The following PRKN variants were observed in gnomAD, a reference collection of about 807,000 sequenced individuals.
The protein encoded by PRKN is E3 ubiquitin-protein ligase parkin.
Under a neutral mutation model 59.5 loss-of-function variants are expected in PRKN, and 56 were observed. The observed-to-expected ratio is 0.94, with a 90% CI of 0.76 to 1.18. The LOEUF is 1.18. Among genes scored for constraint, PRKN ranks in the 50% most tolerant of loss-of-function variants. The pLI is 0.00. For missense variants in PRKN, 657 were observed against 596.4 expected (o/e 1.10, Z -1.06); for synonymous variants, 250 against 222.1 (o/e 1.13, Z -1.12).
At chr6:162,008,165 C>T (rs1325422087) in intron 5 of PRKN, among the ~76,000 whole-genome samples, 1 of 152,170 alleles carries the variant, frequency 6.6e-6, no homozygotes, top group Non-Finnish European at 1.5e-5. Context: ...TTCCTGTAAA[C>T]TCTCAGGAGA....
chr6:162,498,950 C>T (rs1256832323), intron 1 of PRKN, among the ~76,000 whole-genome samples: 3 of 152,088 alleles, frequency 2.0e-5, no homozygotes, highest in Admixed American at 6.6e-5. Flanking sequence ...CATTCGTTTG[C>T]TCATCCATTT....
At chr6:162,379,077 C>T (rs1202061080) in intron 2 of PRKN, among the ~76,000 whole-genome samples, 1 of 152,186 alleles carries the variant, frequency 6.6e-6, no homozygotes, top group Non-Finnish European at 1.5e-5. Context: ...AACTCCTCTC[C>T]CCTTCTTACA....
At chr6:162,196,212 C>A (rs1784490143) in intron 4 of PRKN, among the ~76,000 whole-genome samples, 1 of 152,054 alleles carries the variant, frequency 6.6e-6, no homozygotes, top group Non-Finnish European at 1.5e-5. Context: ...GCTTGGTTTT[C>A]AAATCATGCC....
intron 6 of PRKN, among the ~76,000 whole-genome samples, chr6:161,961,561 T>C (rs1048245942): frequency 3.3e-5 from 5 of 152,238 alleles, no homozygotes; most frequent in African/African-American, 1.2e-4. Context: ...CACGATACAG[T>C]GAAAATGAAC....
chr6:161,702,516 G>C (rs537821766), intron 7 of PRKN, among the ~76,000 whole-genome samples: 1 of 152,196 alleles, frequency 6.6e-6, no homozygotes, highest in Non-Finnish European at 1.5e-5. Flanking sequence ...AAGAAAGTAG[G>C]ATGGTGACCA....
intron 1 of PRKN, among the ~76,000 whole-genome samples, chr6:162,695,352 G>A (rs2128235839): frequency 6.6e-6 from 1 of 152,134 alleles, no homozygotes; most frequent in Admixed American, 6.5e-5. Flanking sequence ...CTCACAGGAA[G>A]GGTAAGTATC....
rs1491237913 is a variant in PRKN at position 161,774,381 on chromosome 6, AGC to A, written c.871+11389_871+11390del. On this transcript the variant is annotated intron_variant, in intron 7 of 11. Transcript: ENST00000366898. ...CCTCCCCCATCCTTTCTACTCCCTG[AGC>A]ACACACACACACACACACACACACA... is the stretch of plus-strand genomic sequence containing the variant. 6.7e-3 allele frequency among the ~76,000 whole-genome samples: 601 copies of A among 89,156 alleles called. 10 individuals are homozygous for A. The highest frequency in any genetic ancestry group is 0.021 in the African/African-American group (568 of 27,488). 58.5% of individuals were successfully genotyped at this position (89,156 alleles called of 152,430 possible).
intron 5 of PRKN, among the ~76,000 whole-genome samples, chr6:161,981,774 C>T (rs1781267184): frequency 2.0e-5 from 3 of 152,164 alleles, no homozygotes; most frequent in Non-Finnish European, 4.4e-5. Flanking sequence ...TAAATGTACA[C>T]TTTGTTAAAT....
At chr6:162,178,321 A>T (rs572919369) in intron 4 of PRKN, among the ~76,000 whole-genome samples, 369 of 152,348 alleles carry the variant, frequency 2.4e-3, no homozygotes, top group African/African-American at 8.4e-3. Flanking sequence ...CTCTTTTGAC[A>T]TGCTTAATTC....
In PRKN at chr6:161,444,300, T is replaced by C. The variant is rs371335095; in HGVS notation, c.1084-57423A>G. Among the ~76,000 whole-genome samples the C allele has an allele frequency of 2.0e-5, 3 of 152,198 alleles. No homozygotes were observed. Among genetic ancestry groups the C allele is most frequent in the African/African-American group, 7.2e-5 (3 of 41,448 alleles). On this transcript the variant is annotated intron_variant, in intron 9 of 11. Transcript: ENST00000366898. The surrounding 1 kb of genome is among the most constrained non-coding windows in gnomAD (Gnocchi z 5.6). ...CTTGTCTTTCCTATTTAGCAAACGA[T>C]TGAGATTCTCTTCCTTAAAGACACA...
At chr6:162,280,964 T>C (rs1780873229) in intron 2 of PRKN, among the ~76,000 whole-genome samples, 1 of 151,948 alleles carries the variant, frequency 6.6e-6, no homozygotes, top group Non-Finnish European at 1.5e-5. Context: ...AAGAATGAGA[T>C]CATGTCCTTT....
At chr6:162,307,869 G>T (rs184428567) in intron 2 of PRKN, among the ~76,000 whole-genome samples, 11 of 152,260 alleles carry the variant, frequency 7.2e-5, no homozygotes, top group Admixed American at 2.6e-4. Flanking sequence ...AGTGGTTATT[G>T]TTAATACATT....
At chr6:161,861,616 CA>C (rs5881441) in intron 6 of PRKN, among the ~76,000 whole-genome samples, 69,149 of 140,918 alleles carry the variant, frequency 0.49, 16,753 homozygotes, top group African/African-American at 0.55. Context: ...TATAAACATT[CA>C]AAAAAAAAAA....
chr6:162,690,534 A>G (rs1777736692), intron 1 of PRKN, among the ~76,000 whole-genome samples: 1 of 152,194 alleles, frequency 6.6e-6, no homozygotes, highest in African/African-American at 2.4e-5. Flanking sequence ...AAATCACTAC[A>G]TATACTATAC....
intron 4 of PRKN, among the ~76,000 whole-genome samples, chr6:162,187,861 G>A (rs952867355): frequency 3.9e-5 from 6 of 152,260 alleles, no homozygotes; most frequent in Middle Eastern, 3.4e-3. Context: ...TTGTGCAGTT[G>A]AAGCTACAAA....
intron 5 of PRKN, among the ~76,000 whole-genome samples, chr6:161,995,746 C>T (rs573035784): frequency 6.6e-6 from 1 of 152,162 alleles, no homozygotes. Context: ...CAAAAAGACA[C>T]AAAATAACAA....
chr6:161,893,571 G>C (rs1232986610), intron 6 of PRKN, among the ~76,000 whole-genome samples: 3 of 152,194 alleles, frequency 2.0e-5, no homozygotes, highest in Non-Finnish European at 4.4e-5. Context: ...CCTTGGGCAA[G>C]TTCTTCATCT....
At chr6:161,907,313 A>G (rs900157813) in intron 6 of PRKN, among the ~76,000 whole-genome samples, 27 of 152,260 alleles carry the variant, frequency 1.8e-4, no homozygotes, top group African/African-American at 6.5e-4. Context: ...AAGGGTTTTG[A>G]GACTATTTGG....
At chr6:162,449,023 G>A (rs1447751125) in intron 1 of PRKN, among the ~76,000 whole-genome samples, 1 of 151,794 alleles carries the variant, frequency 6.6e-6, no homozygotes, top group African/African-American at 2.4e-5. Context: ...GAGTACCTGC[G>A]ATTACAGATG....
Sources: gnomAD v4.1 joint callset for allele counts (sites outside exome capture counted in the v4.1 genomes callset) on GRCh38, gnomAD v4.1.1 for gene constraint, Gnocchi (gnomAD v3.1) non-coding constraint, MANE v1.5 for transcripts, NCBI Gene and HGNC (gene_info 2026-07-23, HGNC 2026-07-21) for gene names.